The following AGBL4 variants were observed in gnomAD, a reference collection of about 807,000 sequenced individuals.
The protein encoded by AGBL4 is cytosolic carboxypeptidase 6.
AGBL4 carries 58 observed loss-of-function variants against 66.4 expected under a neutral mutation model. The observed-to-expected ratio is 0.87, with a 90% CI of 0.71 to 1.09. AGBL4 has a LOEUF of 1.09. Among genes scored for constraint, AGBL4 ranks in the 50% least tolerant of loss-of-function variants. The pLI is 0.00. For missense variants in AGBL4, 579 were observed against 631.0 expected (o/e 0.92, Z 0.88); for synonymous variants, 234 against 222.9 (o/e 1.05, Z -0.44).
chr1:49,007,912 A>G (rs373582667), intron 5 of AGBL4, among the ~76,000 whole-genome samples: 84,093 of 148,776 alleles, frequency 0.57, 24,269 homozygotes, highest in Admixed American at 0.61. Context: ...AGTACCAGCC[A>G]CTGCAAAATC....
chr1:49,927,656 G>A (rs1013633363), intron 1 of AGBL4, among the ~76,000 whole-genome samples: 7 of 150,202 alleles, frequency 4.7e-5, no homozygotes, highest in Non-Finnish European at 1.0e-4. Flanking sequence ...CAGTTTATAT[G>A]AAAGTACACA....
chr1:48,682,284 G>A (rs1003716718), intron 6 of AGBL4, among the ~76,000 whole-genome samples: 3 of 152,210 alleles, frequency 2.0e-5, no homozygotes, highest in Non-Finnish European at 4.4e-5. Flanking sequence ...AGAGGGCCAG[G>A]GACTTAGGCT....
chr1:49,168,367 A>T (rs1305631039), intron 4 of AGBL4, among the ~76,000 whole-genome samples: 7 of 152,256 alleles, frequency 4.6e-5, no homozygotes, highest in Non-Finnish European at 1.0e-4. Context: ...GAAATAGTCC[A>T]GATGAGAATA....
chr1:49,304,815 TA>T (rs1351731183), intron 3 of AGBL4, among the ~76,000 whole-genome samples: 5 of 152,334 alleles, frequency 3.3e-5, no homozygotes, highest in Admixed American at 2.6e-4. Context: ...TATTAAGACA[TA>T]GTATAAACTG....
chr1:48,842,303 T>G (rs537868589), intron 6 of AGBL4, among the ~76,000 whole-genome samples: 2 of 152,266 alleles, frequency 1.3e-5, no homozygotes, highest in Middle Eastern at 6.8e-3. Flanking sequence ...TGTATTTCAC[T>G]GAAGATGATC....
chr1:48,622,506 T>C (rs1262026598), intron 9 of AGBL4, among the ~76,000 whole-genome samples: 1 of 123,602 alleles, frequency 8.1e-6, no homozygotes, highest in Non-Finnish European at 1.6e-5. Flanking sequence ...TTTTTGGAGA[T>C]GGAGTCTTGC....
chr1:49,281,965 A>T (rs554593108), intron 3 of AGBL4, among the ~76,000 whole-genome samples: 1 of 152,194 alleles, frequency 6.6e-6, no homozygotes, highest in African/African-American at 2.4e-5. Context: ...ATTTATAGGC[A>T]GTTGGTTAGA....
intron 9 of AGBL4, among the ~76,000 whole-genome samples, chr1:48,625,090 CTCCTTCCTTCCTTCCTTCCTTCCT>C (rs66798647): frequency 0.016 from 2,285 of 140,482 alleles, 42 homozygotes; most frequent in Middle Eastern, 0.028. Flanking sequence ...TTTTTTCTTT[CTCCTTCCTTCCTTCCTTCCTTCCT>C]TCCTTCCTTC....
intron 4 of AGBL4, among the ~76,000 whole-genome samples, chr1:49,082,211 T>A (rs1420885813): frequency 2.6e-5 from 4 of 152,230 alleles, no homozygotes; most frequent in African/African-American, 7.2e-5. Flanking sequence ...AAGACACCCA[T>A]TCCTAAGTTA....
chr1:49,095,132 G>A (rs1645071401), intron 4 of AGBL4, among the ~76,000 whole-genome samples: 1 of 152,202 alleles, frequency 6.6e-6, no homozygotes, highest in Non-Finnish European at 1.5e-5. Flanking sequence ...TACAAGGGAT[G>A]TGAAGGACCT....
Position 49,672,938 on chromosome 1 carries a change from A to G in AGBL4, c.282+24375T>C, listed in dbSNP as rs181827498. On this transcript the variant is annotated intron_variant, in intron 3 of 13. Coordinates refer to ENST00000371839, the MANE Select transcript of AGBL4 (RefSeq NM_032785.4). ...CTCCATCTCAAAAAAAAAAAAAAAA[A>G]AAAGAAAAGAAAAGATAGAGAAATT... Among the ~76,000 whole-genome samples the G allele has an allele frequency of 7.7e-3, 1,162 of 150,166 alleles. 11 individuals are homozygous for G. The highest frequency in any genetic ancestry group is 0.028 in the Middle Eastern group (8 of 286).
chr1:48,884,385 C>G (rs1448662452), intron 5 of AGBL4, among the ~76,000 whole-genome samples: 1 of 116,878 alleles, frequency 8.6e-6, no homozygotes, highest in Non-Finnish European at 2.2e-5. Flanking sequence ...GGTTCGAGAG[C>G]CTGGACTTTT....
intron 4 of AGBL4, among the ~76,000 whole-genome samples, chr1:49,145,613 G>A (rs1483037730): frequency 2.0e-5 from 3 of 152,146 alleles, no homozygotes; most frequent in Non-Finnish European, 4.4e-5. Context: ...ATAGGTAGAA[G>A]ACAGGGTTGG....
chr1:49,116,500 T>C (rs1645526044), intron 4 of AGBL4, among the ~76,000 whole-genome samples: 1 of 152,224 alleles, frequency 6.6e-6, no homozygotes, highest in Non-Finnish European at 1.5e-5. Context: ...GATAGTTTGC[T>C]GAGAATGATG....
chr1:48,609,995 C>T (rs958792940), intron 9 of AGBL4, among the ~76,000 whole-genome samples: 1 of 152,226 alleles, frequency 6.6e-6, no homozygotes, highest in Non-Finnish European at 1.5e-5. Context: ...GAACCCTGTT[C>T]CCCCACTTAC....
At chr1:49,011,797 C>T (rs997355476) in intron 5 of AGBL4, among the ~76,000 whole-genome samples, 107 of 149,104 alleles carry the variant, frequency 7.2e-4, no homozygotes, top group East Asian at 3.8e-3. Flanking sequence ...AACCAAACAC[C>T]GCATATTCTC....
intron 3 of AGBL4, among the ~76,000 whole-genome samples, chr1:49,336,543 A>G (rs1645440531): frequency 6.6e-6 from 1 of 152,178 alleles, no homozygotes; most frequent in South Asian, 2.1e-4. Context: ...CACAAAGCTT[A>G]TTTTCCCCTT....
intron 5 of AGBL4, among the ~76,000 whole-genome samples, chr1:49,012,854 AC>A (rs1384074932): frequency 6.6e-6 from 1 of 152,182 alleles, no homozygotes; most frequent in Non-Finnish European, 1.5e-5. Context: ...AAGAGGTGGG[AC>A]CTGTAAGAGA....
At chr1:49,103,909 C>T (rs954187330) in intron 4 of AGBL4, among the ~76,000 whole-genome samples, 4 of 152,074 alleles carry the variant, frequency 2.6e-5, no homozygotes, top group African/African-American at 4.8e-5. Context: ...AAAATTGTGT[C>T]GACTCTTTAT....
Sources: gnomAD v4.1 joint callset for allele counts (sites outside exome capture counted in the v4.1 genomes callset) on GRCh38, gnomAD v4.1.1 for gene constraint, MANE v1.5 for transcripts, NCBI Gene and HGNC (gene_info 2026-07-23, HGNC 2026-07-21) for gene names.